NAALADL2: variants seen among roughly 807,000 people sequenced by gnomAD.
NAALADL2 encodes N-acetylated alpha-linked acidic dipeptidase like 2.
A neutral mutation model predicts 87.2 loss-of-function variants in NAALADL2; 76 were observed. That is an observed-to-expected ratio of 0.87 (90% CI 0.72 to 1.05). The LOEUF (loss-of-function observed/expected upper bound fraction) is 1.05. Among genes scored for constraint, NAALADL2 ranks in the 50% least tolerant of loss-of-function variants. The probability of loss-of-function intolerance (pLI) is 0.00; values close to 1 mark genes in which losing one functional copy is unlikely to be tolerated. For missense variants in NAALADL2, 1,089 were observed against 945.8 expected (o/e 1.15, Z -1.99); for synonymous variants, 354 against 331.0 (o/e 1.07, Z -0.75).
At chr3:174,478,864 A>G (rs780628241) in intron 1 of NAALADL2, among the ~76,000 whole-genome samples, 35 of 152,128 alleles carry the variant, frequency 2.3e-4, no homozygotes, top group Non-Finnish European at 2.9e-4. Context: ...AGTTTGTGCC[A>G]CCACACCCAG....
At chr3:175,076,525 T>G (rs1716640664) in intron 1 of NAALADL2, among the ~76,000 whole-genome samples, 1 of 152,116 alleles carries the variant, frequency 6.6e-6, no homozygotes, top group African/African-American at 2.4e-5. Flanking sequence ...GGAAGTTCAT[T>G]GACTATCAAC....
upstream of NAALADL2, among the ~76,000 whole-genome samples, chr3:174,855,875 TACATACATATGAATATATATAC>T (rs1330436010): frequency 8.1e-4 from 115 of 142,000 alleles, no homozygotes; most frequent in African/African-American, 3.2e-3. Flanking sequence ...TATGTATATA[TACATACATATGAATATATATAC>T]ACATAGATAT....
chr3:174,481,086 C>T (rs753126177), intron 1 of NAALADL2, among the ~76,000 whole-genome samples: 3 of 151,952 alleles, frequency 2.0e-5, no homozygotes, highest in African/African-American at 4.8e-5. Context: ...ATTGACTTAT[C>T]GCATAAAATT....
At chr3:175,038,587 A>C (rs1753689796) in intron 1 of NAALADL2, among the ~76,000 whole-genome samples, 2 of 152,174 alleles carry the variant, frequency 1.3e-5, no homozygotes, top group Admixed American at 1.3e-4. Flanking sequence ...GAATGTAGCC[A>C]TTTGCCATGA....
At chr3:175,355,211 G>A (rs923212793) in intron 5 of NAALADL2, among the ~76,000 whole-genome samples, 5 of 151,740 alleles carry the variant, frequency 3.3e-5, no homozygotes, top group African/African-American at 1.2e-4. Context: ...TGGGACTACA[G>A]GTGTGCATCA....
chr3:175,302,210 A>G (rs1226984939), intron 4 of NAALADL2, among the ~76,000 whole-genome samples: 1 of 152,238 alleles, frequency 6.6e-6, no homozygotes, highest in Non-Finnish European at 1.5e-5. Flanking sequence ...TTTGGACTGT[A>G]TAATTCCATA....
chr3:175,048,390 C>T (rs9856946), intron 1 of NAALADL2, among the ~76,000 whole-genome samples: 2,712 of 152,120 alleles, frequency 0.018, 90 homozygotes, highest in African/African-American at 0.063. Flanking sequence ...CCCCAAAGCC[C>T]TTTTTCTTGT....
chr3:174,731,584 T>C (rs560470611), intron 2 of NAALADL2, among the ~76,000 whole-genome samples: 1 of 152,276 alleles, frequency 6.6e-6, no homozygotes, highest in East Asian at 1.9e-4. Context: ...TGTTAATAAA[T>C]GATTCTCTGT....
At chr3:174,904,284 A>G (rs1732708593) in intron 1 of NAALADL2, among the ~76,000 whole-genome samples, 1 of 151,916 alleles carries the variant, frequency 6.6e-6, no homozygotes, top group Non-Finnish European at 1.5e-5. Context: ...TTAGAATGTT[A>G]CATTGTGTGA....
At chr3:175,357,936 T>C (rs549348505) in intron 5 of NAALADL2, among the ~76,000 whole-genome samples, 1 of 152,222 alleles carries the variant, frequency 6.6e-6, no homozygotes, top group Admixed American at 6.5e-5. Flanking sequence ...GCTGACAACA[T>C]GGAGCAGACA....
At chr3:175,377,471 A>G (rs919081116) in intron 5 of NAALADL2, among the ~76,000 whole-genome samples, 13 of 152,038 alleles carry the variant, frequency 8.6e-5, no homozygotes, top group Admixed American at 6.6e-5. Context: ...TTGCTTAGAT[A>G]CTGAACTTTG....
intron 11 of NAALADL2, among the ~76,000 whole-genome samples, chr3:175,711,976 T>C (rs937086374): frequency 6.6e-6 from 1 of 151,872 alleles, no homozygotes; most frequent in Admixed American, 6.6e-5. Context: ...TTGCAAAAGG[T>C]TTACTTCTTC....
intron 9 of NAALADL2, among the ~76,000 whole-genome samples, chr3:175,566,779 T>C (rs918550371): frequency 6.6e-6 from 1 of 152,144 alleles, no homozygotes; most frequent in African/African-American, 2.4e-5. Context: ...CATATCTTTC[T>C]TCTTTATATA....
chr3:175,761,306 C>T (rs1028137488), intron 13 of NAALADL2, among the ~76,000 whole-genome samples: 1 of 152,156 alleles, frequency 6.6e-6, no homozygotes, highest in Non-Finnish European at 1.5e-5. Context: ...TGGAATAGTA[C>T]AGTATGCAAC....
chr3:175,024,110 T>C (rs1751920677), intron 1 of NAALADL2, among the ~76,000 whole-genome samples: 1 of 152,098 alleles, frequency 6.6e-6, no homozygotes, highest in Non-Finnish European at 1.5e-5. Flanking sequence ...ACATCAGTTT[T>C]CCTTTTTATA....
intron 1 of NAALADL2, among the ~76,000 whole-genome samples, chr3:175,055,513 G>A (rs1711955219): frequency 6.6e-6 from 1 of 152,218 alleles, no homozygotes; most frequent in Admixed American, 6.5e-5. Flanking sequence ...ACTGGCTGTG[G>A]CAGGGGGCAG....
intron 2 of NAALADL2, among the ~76,000 whole-genome samples, chr3:174,658,720 G>A (rs1412758596): frequency 6.6e-6 from 1 of 152,070 alleles, no homozygotes; most frequent in African/African-American, 2.4e-5. Context: ...CTAAATGGTA[G>A]TTTTTTCAAT....
intron 1 of NAALADL2, among the ~76,000 whole-genome samples, chr3:174,923,960 G>A (rs12629343): frequency 5.1e-4 from 78 of 152,196 alleles, no homozygotes; most frequent in African/African-American, 1.6e-3. Context: ...ATAAATCTCA[G>A]CAGCTGTTCA....
intron 9 of NAALADL2, among the ~76,000 whole-genome samples, chr3:175,474,626 A>C (rs1725389080): frequency 6.6e-6 from 1 of 152,166 alleles, no homozygotes; most frequent in Non-Finnish European, 1.5e-5. Context: ...CCATGTATAC[A>C]CAATCACAAT....
Sources: allele counts gnomAD v4.1 joint callset (sites outside exome capture counted in the v4.1 genomes callset), GRCh38; gene constraint gnomAD v4.1.1; transcripts MANE v1.5; gene names NCBI Gene and HGNC (gene_info 2026-07-23, HGNC 2026-07-21).